Variants in CCDC39 observed in about 807,000 individuals in gnomAD.
CCDC39 encodes coiled-coil domain-containing protein 39.
A neutral mutation model predicts 121.0 loss-of-function variants in CCDC39; 113 were observed. The ratio of observed to expected loss-of-function variants is 0.93; its 90% CI spans 0.80 to 1.09. CCDC39 has a LOEUF of 1.09. Among genes scored for constraint, CCDC39 ranks in the 50% least tolerant of loss-of-function variants. The pLI is 0.00. For synonymous variants in CCDC39, 349 were observed against 352.2 expected (o/e 0.99, Z 0.10); for missense variants, 1,063 against 1,074.7 (o/e 0.99, Z 0.15).
chr3:180,677,172 A>T lies in CCDC39; in HGVS notation c.90+2119T>A, dbSNP rs1418183466. ...ATAATAATAATAATAATAATTTTAT[A>T]TATATATATATATATATATATATAT... On this transcript the variant is annotated intron_variant, in intron 1 of 19. Coordinates refer to ENST00000476379, the MANE Select transcript of CCDC39 (RefSeq NM_181426.2). Among the ~76,000 whole-genome samples the T allele has an allele frequency of 3.4e-4, 12 of 35,238 alleles. 1 individual carries two copies. The highest frequency in any genetic ancestry group is 9.5e-4 in the African/African-American group (7 of 7,364). The allele number at this position is 35,238 out of a possible 152,430, so 23.1% of individuals were successfully genotyped here. A position where few individuals can be genotyped will look rare whatever the true frequency, so the allele number is the denominator to read the frequency against.
At position 180,644,243 on chromosome 3, in the gene CCDC39, A is replaced by G; in HGVS notation, c.1542T>C (p.Phe514=). 1 of 1,522,940 alleles carries G rather than the reference A, an allele frequency of 6.6e-7. No homozygotes were observed. The highest frequency in any genetic ancestry group is 8.8e-7 in the Non-Finnish European group (1 of 1,135,494). The allele number at this position is 1,522,940 out of a possible 1,614,324, so 94.3% of individuals were successfully genotyped here. The part of the protein sequence containing the change: ...QIKKLHNDLY[F]IKKAHSKNSD... The stretch of plus-strand genomic sequence containing the variant: ...TGTTTTTACTATGTGCCTTCTTGAT[A>G]AAATAAAGATCATTCTGCAAAAAAG... The change falls in exon 12 of 20, where the codon TTT becomes TTC. Residue 514 remains phenylalanine (F), a synonymous_variant. Coordinates refer to ENST00000476379, the MANE Select transcript of CCDC39 (RefSeq NM_181426.2).
At chr3:180,647,043 A>G in intron 11 of CCDC39, 36 bp downstream of exon 11, 1 of 1,584,414 alleles carries the variant, frequency 6.3e-7, no homozygotes, top group Non-Finnish European at 8.6e-7. Context: ...AATGACTAGG[A>G]TATTTGAAAT....
intron 14 of CCDC39, among the ~76,000 whole-genome samples, chr3:180,623,152 G>A (rs1041300245): frequency 2.7e-5 from 4 of 148,764 alleles, no homozygotes; most frequent in African/African-American, 7.4e-5. Context: ...CGGTTTATTC[G>A]GGATTTTTGT....
chr3:180,635,912 T>C (rs747014196), intron 13 of CCDC39, among the ~76,000 whole-genome samples: 1 of 152,224 alleles, frequency 6.6e-6, no homozygotes, highest in Non-Finnish European at 1.5e-5. Context: ...CTCCTCTTCA[T>C]GTTAAAAATT....
At chr3:180,636,837 C>G (rs190667752) in intron 13 of CCDC39, among the ~76,000 whole-genome samples, 1 of 152,084 alleles carries the variant, frequency 6.6e-6, no homozygotes, top group Non-Finnish European at 1.5e-5. Context: ...GGAATGGACT[C>G]GCTATTCAAT....
At chr3:180,646,620 G>C (rs911213518) in intron 11 of CCDC39, among the ~76,000 whole-genome samples, 7 of 151,966 alleles carry the variant, frequency 4.6e-5, no homozygotes, top group Non-Finnish European at 8.8e-5. Flanking sequence ...CTTTTTACAT[G>C]GTGTTTTAAA....
At chr3:180,648,562 A>G (rs1718127779) in intron 9 of CCDC39, among the ~76,000 whole-genome samples, 1 of 152,120 alleles carries the variant, frequency 6.6e-6, no homozygotes, top group South Asian at 2.1e-4. Context: ...GGTAGCTTTT[A>G]CGCCCGTGTC....
chr3:180,635,098 AG>A (rs1717793525), intron 13 of CCDC39, among the ~76,000 whole-genome samples: 1 of 152,220 alleles, frequency 6.6e-6, no homozygotes, highest in African/African-American at 2.4e-5. Flanking sequence ...ATGGAAGGCA[AG>A]GGGGAAGCAG....
intron 7 of CCDC39, among the ~76,000 whole-genome samples, 151 bp downstream of exon 7, chr3:180,654,607 CACAA>C (rs1037833876): frequency 3.1e-5 from 4 of 129,204 alleles, no homozygotes; most frequent in Non-Finnish European, 4.9e-5. Flanking sequence ...CCAAAAGTTC[CACAA>C]ACAAAGAGAC....
intron 13 of CCDC39, among the ~76,000 whole-genome samples, chr3:180,632,484 T>C (rs957048038): frequency 6.6e-6 from 1 of 152,170 alleles, no homozygotes; most frequent in Non-Finnish European, 1.5e-5. Flanking sequence ...ATATTTAGTG[T>C]CATAAGTTAC....
At chr3:180,659,366 C>T in intron 6 of CCDC39, 86 bp downstream of exon 6, 1 of 1,517,798 alleles carries the variant, frequency 6.6e-7, no homozygotes, top group Non-Finnish European at 8.9e-7. Context: ...TTTCAAATAA[C>T]AATGTGATTT....
intron 13 of CCDC39, among the ~76,000 whole-genome samples, chr3:180,637,502 T>C (rs1358291544): frequency 6.6e-6 from 1 of 152,196 alleles, no homozygotes; most frequent in Non-Finnish European, 1.5e-5. Flanking sequence ...AGTTCAGCCA[T>C]TGTGGAAAGC....
intron 16 of CCDC39, among the ~76,000 whole-genome samples, chr3:180,618,009 A>T (rs1025350244): frequency 6.6e-6 from 1 of 151,984 alleles, no homozygotes; most frequent in African/African-American, 2.4e-5. Flanking sequence ...CCATATTTTT[A>T]TTGTACCTTT....
At chr3:180,661,409 T>C (rs1242449214) in intron 3 of CCDC39, among the ~76,000 whole-genome samples, 1 of 151,960 alleles carries the variant, frequency 6.6e-6, no homozygotes, top group Non-Finnish European at 1.5e-5. Flanking sequence ...TGGAAAGAGC[T>C]CCCAAATCAA....
chr3:180,655,363 C>T (rs552481440), intron 6 of CCDC39, among the ~76,000 whole-genome samples: 1 of 151,330 alleles, frequency 6.6e-6, no homozygotes, highest in East Asian at 1.9e-4. Context: ...TTATTGGTTT[C>T]AATAGGAATG....
At chr3:180,631,693 C>G (rs1717702077) in intron 13 of CCDC39, 101 bp from the exon 14 acceptor site, 1 of 959,336 alleles carries the variant, frequency 1.0e-6, no homozygotes, top group East Asian at 2.7e-5. Context: ...TGTGTTACTA[C>G]TAAACTCAAA....
chr3:180,661,102 T>G (rs921332730), intron 3 of CCDC39, among the ~76,000 whole-genome samples: 7 of 152,030 alleles, frequency 4.6e-5, no homozygotes, highest in Non-Finnish European at 1.0e-4. Context: ...TTTGGTATGC[T>G]AACTCAAATC....
At chr3:180,677,670 T>C (rs554158667) in intron 1 of CCDC39, among the ~76,000 whole-genome samples, 45 of 152,242 alleles carry the variant, frequency 3.0e-4, no homozygotes, top group Non-Finnish European at 5.1e-4. Context: ...TTCTCTCAAA[T>C]ACTAAAATAA....
At chr3:180,626,514 C>T (rs1399536759) in intron 14 of CCDC39, among the ~76,000 whole-genome samples, 1 of 152,110 alleles carries the variant, frequency 6.6e-6, no homozygotes, top group Non-Finnish European at 1.5e-5. Flanking sequence ...TAGGAAGTCC[C>T]ACAGCAGCCA....
Sources: gnomAD v4.1 joint callset for allele counts (sites outside exome capture counted in the v4.1 genomes callset) on GRCh38, gnomAD v4.1.1 for gene constraint, MANE v1.5 for transcripts, NCBI Gene and HGNC (gene_info 2026-07-23, HGNC 2026-07-21) for gene names.